The following GPHN variants were observed in gnomAD, a reference collection of about 807,000 sequenced individuals.
GPHN encodes gephyrin.
In GPHN, 17 loss-of-function variants were observed where a neutral mutation model predicts 95.5. The ratio of observed to expected loss-of-function variants is 0.18; its 90% CI spans 0.12 to 0.27. The LOEUF is 0.27. Among genes scored for constraint, GPHN ranks in the 10% least tolerant of loss-of-function variants. GPHN has a pLI of 1.00. For missense variants in GPHN, 660 were observed against 978.1 expected, an observed-to-expected ratio of 0.67 and a Z score of 4.34; for synonymous variants, 320 against 322.5, an observed-to-expected ratio of 0.99 and a Z score of 0.08.
At chr14:67,687,974 A>C in the GPHN span, among the ~76,000 whole-genome samples, 1 of 148,210 alleles carries the variant, frequency 6.7e-6, no homozygotes, top group Non-Finnish European at 1.5e-5. Flanking sequence ...GCTTTCACCA[A>C]GTTGGCCAGG....
At chr14:67,373,521 A>G in the GPHN span, among the ~76,000 whole-genome samples, 8 of 152,204 alleles carry the variant, frequency 5.3e-5, no homozygotes. Flanking sequence ...GTGTCTAGAA[A>G]AACACCACAG....
intron 3 of GPHN, among the ~76,000 whole-genome samples, chr14:66,816,375 T>C (rs989139628): frequency 1.3e-5 from 2 of 152,202 alleles, no homozygotes; most frequent in Non-Finnish European, 2.9e-5. Context: ...ACATGGCATA[T>C]ATCCTAAAAT....
the GPHN span, among the ~76,000 whole-genome samples, chr14:67,238,106 T>A: frequency 4.6e-5 from 7 of 152,130 alleles, no homozygotes; most frequent in African/African-American, 1.7e-4. Flanking sequence ...TAAAACTTAA[T>A]CTAATTACCA....
chr14:67,481,598 G>A, the GPHN span, among the ~76,000 whole-genome samples: 1 of 152,188 alleles, frequency 6.6e-6, no homozygotes, highest in South Asian at 2.1e-4. Context: ...AATATTAGAG[G>A]CTGGGCATTG....
the GPHN span, chr14:67,570,087 G>A: frequency 1.5e-5 from 15 of 1,014,030 alleles, no homozygotes; most frequent in East Asian, 2.6e-5. Flanking sequence ...TGACTGGGGC[G>A]GGGCTCTAGG....
At chr14:66,802,377 G>A (rs1218320865) in intron 3 of GPHN, among the ~76,000 whole-genome samples, 2 of 152,102 alleles carry the variant, frequency 1.3e-5, no homozygotes, top group Non-Finnish European at 2.9e-5. Flanking sequence ...TATACCCTCT[G>A]GCCCAGGGCA....
the GPHN span, chr14:67,569,128 CTT>C: frequency 6.2e-7 from 1 of 1,600,572 alleles, no homozygotes; most frequent in South Asian, 1.1e-5. Context: ...CCTGAGACCT[CTT>C]GTTTCAGGAG....
chr14:67,095,479 C>T (rs1051644761), intron 12 of GPHN, among the ~76,000 whole-genome samples: 27 of 152,176 alleles, frequency 1.8e-4, no homozygotes, highest in Non-Finnish European at 3.7e-4. Context: ...CACATGCACA[C>T]GTATGTTTAT....
chr14:66,987,042 T>C (rs544397060), intron 9 of GPHN, among the ~76,000 whole-genome samples: 1 of 152,248 alleles, frequency 6.6e-6, no homozygotes, highest in East Asian at 1.9e-4. Context: ...TAAAATGTTA[T>C]TTCACCAAGG....
the GPHN span, chr14:67,692,493 T>C: frequency 3.1e-6 from 5 of 1,614,076 alleles, no homozygotes; most frequent in South Asian, 5.5e-5. Context: ...ACAGGTCCAG[T>C]TTCCGCACCA....
chr14:66,640,558 T>C (rs1326459471), intron 1 of GPHN, among the ~76,000 whole-genome samples: 1 of 152,228 alleles, frequency 6.6e-6, no homozygotes, highest in African/African-American at 2.4e-5. Flanking sequence ...TTTTTAACTA[T>C]ACCACTCTCT....
At chr14:67,226,723 A>G in the GPHN span, among the ~76,000 whole-genome samples, 4 of 152,316 alleles carry the variant, frequency 2.6e-5, no homozygotes, top group Non-Finnish European at 2.9e-5. Flanking sequence ...GTAATGGACC[A>G]GAGGAGAACA....
At chr14:67,153,476 A>C (rs1321461202) in intron 18 of GPHN, among the ~76,000 whole-genome samples, 1 of 152,084 alleles carries the variant, frequency 6.6e-6, no homozygotes, top group Non-Finnish European at 1.5e-5. Flanking sequence ...TCTTCTTATA[A>C]TGGCACTAAT....
At chr14:66,626,461 C>T (rs1432719974) in intron 1 of GPHN, among the ~76,000 whole-genome samples, 2 of 151,986 alleles carry the variant, frequency 1.3e-5, no homozygotes, top group East Asian at 1.9e-4. Flanking sequence ...GAAGATTTAA[C>T]AGAAGTGCTA....
the GPHN span, chr14:67,587,470 G>T: frequency 7.2e-6 from 4 of 555,914 alleles, no homozygotes; most frequent in Non-Finnish European, 3.2e-6. Context: ...TTTTTCATAA[G>T]AATAATGACT....
chr14:67,473,836 C>A, the GPHN span: 4 of 1,613,470 alleles, frequency 2.5e-6, no homozygotes, highest in Non-Finnish European at 3.4e-6. This position sits in a 1 kb window ranked among gnomAD's most constrained non-coding sequence, Gnocchi z 6.5. Flanking sequence ...AACTCCCAGG[C>A]CGCTGTGAAC....
At chr14:66,658,732 T>C (rs1357667116) in intron 1 of GPHN, among the ~76,000 whole-genome samples, 1 of 152,208 alleles carries the variant, frequency 6.6e-6, no homozygotes, top group East Asian at 1.9e-4. Context: ...CATAACTTTA[T>C]ATATGCACTG....
Position 67,070,715 on chromosome 14 carries a change from A to AAAATATATATAT in GPHN, c.1144+11930_1144+11931insAATATATATATA. ...ATCTCAAAAAAAAAAAAAAAAAAAAAATATATATATATATCCAATCAGCAT... is the reference window on the plus strand; with the variant it reads ...ATCTCAAAAAAAAAAAAAAAAAAAAAAAATATATATATATATATATATATATCCAATCAGCAT... On this transcript the variant is annotated intron_variant, in intron 11 of 22. Transcript: ENST00000478722. Among the ~76,000 whole-genome samples the AAAATATATATAT allele has an allele frequency of 7.2e-3, 577 of 80,498 alleles. 10 individuals carry two copies. The highest frequency in any genetic ancestry group is 9.0e-3 in the Non-Finnish European group (478 of 53,384). The allele number at this position is 80,498 out of a possible 152,430, so 52.8% of individuals were successfully genotyped here. A position where few individuals can be genotyped will look rare whatever the true frequency, so the allele number is the denominator to read the frequency against.
At chr14:67,379,129 A>G in the GPHN span, among the ~76,000 whole-genome samples, 1 of 152,084 alleles carries the variant, frequency 6.6e-6, no homozygotes, top group East Asian at 1.9e-4. Flanking sequence ...TGTTTAGGTA[A>G]TTTTCCCTTC....
Sources: allele counts gnomAD v4.1 joint callset (sites outside exome capture counted in the v4.1 genomes callset), GRCh38; gene constraint gnomAD v4.1.1; non-coding constraint Gnocchi (gnomAD v3.1); transcripts MANE v1.5; gene names NCBI Gene and HGNC (gene_info 2026-07-23, HGNC 2026-07-21).